The following PELI2 variants were observed in gnomAD, a reference collection of about 807,000 sequenced individuals.
PELI2 encodes the protein E3 ubiquitin-protein ligase pellino homolog 2.
Under a neutral mutation model 42.3 loss-of-function variants are expected in PELI2, and 23 were observed. That is an observed-to-expected ratio of 0.54 (90% CI 0.39 to 0.77). The LOEUF (loss-of-function observed/expected upper bound fraction) is 0.77, where lower values mean the gene tolerates loss of function less well. Ranked by LOEUF, PELI2 falls within the 30% of genes least tolerant of loss-of-function variation. The pLI, the probability that PELI2 is intolerant of heterozygous loss-of-function variation, is 0.00. For missense variants in PELI2, 463 were observed against 553.2 expected, an observed-to-expected ratio of 0.84 and a Z score of 1.64; for synonymous variants, 245 against 212.2, an observed-to-expected ratio of 1.15 and a Z score of -1.34.
At chr14:56,146,179 G>T (rs1884110710) in intron 1 of PELI2, among the ~76,000 whole-genome samples, 1 of 152,144 alleles carries the variant, frequency 6.6e-6, no homozygotes. Context: ...CTGAAGTCCT[G>T]GTTCTTGTGG....
At chr14:56,213,309 T>C (rs541399572) in intron 2 of PELI2, among the ~76,000 whole-genome samples, 1 of 152,358 alleles carries the variant, frequency 6.6e-6, no homozygotes, top group Non-Finnish European at 1.5e-5. Flanking sequence ...ATTTCTGTTT[T>C]GCCTCTTACT....
At chr14:56,270,212 A>T (rs974764626) in intron 2 of PELI2, among the ~76,000 whole-genome samples, 17 of 152,170 alleles carry the variant, frequency 1.1e-4, no homozygotes, top group African/African-American at 4.1e-4. Context: ...TATGATTTTG[A>T]TTTACTAGAA....
At chr14:56,241,586 G>A (rs1271446343) in intron 2 of PELI2, among the ~76,000 whole-genome samples, 2 of 152,168 alleles carry the variant, frequency 1.3e-5, no homozygotes, top group African/African-American at 4.8e-5. Flanking sequence ...CCGTGCCATT[G>A]TGGAGTATAT....
intron 1 of PELI2, among the ~76,000 whole-genome samples, 158 bp downstream of exon 1, chr14:56,118,895 G>A (rs1882952445): frequency 6.6e-6 from 1 of 150,820 alleles, no homozygotes; most frequent in African/African-American, 2.4e-5. Context: ...GCGCGGGGGC[G>A]GGATGCGCCC....
At chr14:56,244,906 A>T (rs1031179897) in intron 2 of PELI2, among the ~76,000 whole-genome samples, 1 of 152,220 alleles carries the variant, frequency 6.6e-6, no homozygotes, top group Non-Finnish European at 1.5e-5. Flanking sequence ...CAATGACAGA[A>T]ATAAGAAATA....
At chr14:56,283,788 C>T (rs1461978568) in intron 3 of PELI2, among the ~76,000 whole-genome samples, 1 of 152,196 alleles carries the variant, frequency 6.6e-6, no homozygotes, top group African/African-American at 2.4e-5. Context: ...TCACATGTTT[C>T]TTAAGGAAAT....
Position 56,297,087 on chromosome 14 carries a change from C to T in PELI2, c.1184C>T (p.Ala395Val), listed in dbSNP as rs1399441600. 1 of 1,610,640 alleles carries T rather than the reference C, an allele frequency of 6.2e-7. No homozygotes were observed. Among genetic ancestry groups the T allele is most frequent in the East Asian group, 2.2e-5 (1 of 44,872 alleles). ...CCTCATGGAACTCATGCATTTCACG[C>T]TGCTTGCCCTTTCTGTGCTACACAG... ...PLPHGTHAFH[A>V]ACPFCATQLV... is the part of the protein sequence containing the mutation. Residue 395 changes from alanine (A) to valine (V), a missense_variant, in exon 6 of 6, where the codon GCT (alanine) becomes GTT (valine). Transcript: ENST00000267460.
At chr14:56,179,806 G>A (rs1885517315) in intron 2 of PELI2, among the ~76,000 whole-genome samples, 1 of 152,120 alleles carries the variant, frequency 6.6e-6, no homozygotes, top group South Asian at 2.1e-4. Flanking sequence ...CACCAGAAAT[G>A]TTCTGGTATT....
chr14:56,147,831 A>G (rs1347981091), intron 1 of PELI2, among the ~76,000 whole-genome samples: 1 of 152,146 alleles, frequency 6.6e-6, no homozygotes, highest in Non-Finnish European at 1.5e-5. Flanking sequence ...GGAAAACTAG[A>G]GTACTGTTAT....
intron 1 of PELI2, among the ~76,000 whole-genome samples, chr14:56,153,808 T>C (rs1884452867): frequency 6.6e-6 from 1 of 152,190 alleles, no homozygotes; most frequent in African/African-American, 2.4e-5. Context: ...TTTCTTGTGC[T>C]AGAGATAATG....
chr14:56,120,583 T>C (rs1439905720), intron 1 of PELI2, among the ~76,000 whole-genome samples: 2 of 152,178 alleles, frequency 1.3e-5, no homozygotes, highest in African/African-American at 2.4e-5. Context: ...AGTTGGCACT[T>C]AGGGGGCGAG....
chr14:56,287,727 A>G (rs1889691218), intron 3 of PELI2, among the ~76,000 whole-genome samples: 1 of 152,236 alleles, frequency 6.6e-6, no homozygotes, highest in Non-Finnish European at 1.5e-5. Flanking sequence ...ATGAGAACGT[A>G]TATATGAGAT....
chr14:56,153,108 G>A (rs1398544222), intron 1 of PELI2, among the ~76,000 whole-genome samples: 1 of 152,104 alleles, frequency 6.6e-6, no homozygotes, highest in African/African-American at 2.4e-5. Context: ...TCCACCTGGA[G>A]ATTCATAACT....
At chr14:56,145,972 T>C (rs1000089947) in intron 1 of PELI2, among the ~76,000 whole-genome samples, 2 of 152,244 alleles carry the variant, frequency 1.3e-5, no homozygotes, top group Admixed American at 1.3e-4. Context: ...AGCCAGTTTG[T>C]AATGAAATAT....
chr14:56,189,752 AT>A (rs1301014015), intron 2 of PELI2, among the ~76,000 whole-genome samples: 3 of 152,254 alleles, frequency 2.0e-5, no homozygotes, highest in African/African-American at 7.2e-5. Flanking sequence ...GCATTGATAG[AT>A]TAAAAATTAA....
intron 2 of PELI2, among the ~76,000 whole-genome samples, chr14:56,214,504 C>T (rs1291046367): frequency 6.6e-6 from 1 of 152,106 alleles, no homozygotes; most frequent in Non-Finnish European, 1.5e-5. Flanking sequence ...CTCTCCCAGC[C>T]CCTCTCCTGA....
intron 1 of PELI2, among the ~76,000 whole-genome samples, chr14:56,133,594 G>A (rs1883575192): frequency 6.6e-6 from 1 of 152,140 alleles, no homozygotes; most frequent in African/African-American, 2.4e-5. Flanking sequence ...CCCCACCCCC[G>A]TTACATGTTC....
At chr14:56,210,246 A>G (rs991272546) in intron 2 of PELI2, among the ~76,000 whole-genome samples, 16 of 152,128 alleles carry the variant, frequency 1.1e-4, no homozygotes, top group African/African-American at 3.1e-4. Flanking sequence ...AAAGAGATCA[A>G]TCAGTGGATA....
chr14:56,201,532 G>T (rs1886331921), intron 2 of PELI2, among the ~76,000 whole-genome samples: 1 of 152,076 alleles, frequency 6.6e-6, no homozygotes, highest in East Asian at 1.9e-4. Flanking sequence ...CGTTTTTAAG[G>T]GCCTACCACA....
Sources: allele counts gnomAD v4.1 joint callset (sites outside exome capture counted in the v4.1 genomes callset), GRCh38; gene constraint gnomAD v4.1.1; transcripts MANE v1.5; gene names NCBI Gene and HGNC (gene_info 2026-07-23, HGNC 2026-07-21).